ABHD2: variants seen among roughly 807,000 people sequenced by gnomAD.
ABHD2 encodes the protein monoacylglycerol lipase ABHD2.
In ABHD2, 20 loss-of-function variants were observed where a neutral mutation model predicts 48.1. That is an observed-to-expected ratio of 0.42 (90% CI 0.29 to 0.60). The LOEUF (loss-of-function observed/expected upper bound fraction) is 0.60. ABHD2 is among the 20% of genes least tolerant of loss of function. The pLI is 0.24. For missense variants in ABHD2, 405 were observed against 550.9 expected, an observed-to-expected ratio of 0.74 and a Z score of 2.65; for synonymous variants, 209 against 214.2, an observed-to-expected ratio of 0.98 and a Z score of 0.21.
At position 89,149,615 on chromosome 15, in the gene ABHD2, C is replaced by T. The variant is rs146159241; in HGVS notation, c.195-2062C>T. 1.9e-3 allele frequency among the ~76,000 whole-genome samples: 291 copies of T among 152,294 alleles called. 2 individuals carry two copies. The highest frequency in any genetic ancestry group is 6.6e-3 in the African/African-American group (275 of 41,558). ...AGGGGCAACCCCCCCAGCAACCTGACTGGAAGTGAGTCTTGAAAGACAAGT... is the reference window on the plus strand; with the variant it reads ...AGGGGCAACCCCCCCAGCAACCTGATTGGAAGTGAGTCTTGAAAGACAAGT... On this transcript the variant is annotated intron_variant, in intron 3 of 10. Coordinates refer to ENST00000352732, the MANE Select transcript of ABHD2 (RefSeq NM_152924.5).
At chr15:89,061,524 G>A in the ABHD2 span, among the ~76,000 whole-genome samples, 7 of 152,124 alleles carry the variant, frequency 4.6e-5, 1 homozygote, top group Admixed American at 4.6e-4. Flanking sequence ...TATAACTCAT[G>A]TAATAAACCC....
chr15:89,167,954 C>T lies in ABHD2; in HGVS notation c.539-7858C>T, dbSNP rs751456150. ...GAGTACTGTGTGCCTTTATTCCAGA[C>T]GATTCAAACTTCCTTCTTATCCACC... On this transcript the variant is annotated intron_variant, in intron 5 of 10. Coordinates refer to ENST00000352732, the MANE Select transcript of ABHD2 (RefSeq NM_152924.5). The surrounding 1 kb of genome is among the most constrained non-coding windows in gnomAD (Gnocchi z 5.5). Among the ~76,000 whole-genome samples the T allele has an allele frequency of 2.0e-5, 3 of 152,202 alleles. No individual in the cohort carries two copies. Among genetic ancestry groups the T allele is most frequent in the South Asian group, 2.1e-4 (1 of 4,826 alleles).
the ABHD2 span, among the ~76,000 whole-genome samples, chr15:89,052,550 G>GACACACACACACAC: frequency 2.7e-4 from 29 of 107,344 alleles, no homozygotes; most frequent in African/African-American, 6.0e-4. Flanking sequence ...CAGACAGACA[G>GACACACACACACAC]ACAGACAGAC....
Position 89,116,352 on chromosome 15 carries a change from G to T in ABHD2, c.25G>T (p.Glu9Ter), listed in dbSNP as rs758636497. 1 of 1,613,976 alleles carries T rather than the reference G, an allele frequency of 6.2e-7. No individual in the cohort carries two copies. Among genetic ancestry groups the T allele is most frequent in the African/African-American group, 1.3e-5 (1 of 74,922 alleles). MNAMLETPELPAVFDGVKL... is the reference protein window; with the variant it reads MNAMLETP Reference sequence around the variant, plus strand: ...GATGAATGCCATGCTGGAGACTCCCGAACTCCCAGCCGTGTTTGATGGAGT... The same window carrying T: ...GATGAATGCCATGCTGGAGACTCCCTAACTCCCAGCCGTGTTTGATGGAGT... The change falls in exon 3 of 11, where the codon GAA (glutamate) becomes TAA (stop). Residue 9 changes from glutamate (E) to a stop codon, truncating the protein, a stop_gained. Coordinates refer to ENST00000352732, the MANE Select transcript of ABHD2 (RefSeq NM_152924.5). LOFTEE classifies it high-confidence loss of function. The surrounding 1 kb of genome is among the most constrained non-coding windows in gnomAD (Gnocchi z 4.6).
At chr15:89,066,920 G>T in the ABHD2 span, among the ~76,000 whole-genome samples, 1 of 152,224 alleles carries the variant, frequency 6.6e-6, no homozygotes, top group African/African-American at 2.4e-5. Flanking sequence ...TGGAAAATGT[G>T]TCTGGATACT....
Position 89,183,383 on chromosome 15 carries a change from AAATATATAT to A in ABHD2, c.723-2039_723-2031del, listed in dbSNP as rs1359226888. The A allele has an allele frequency of 4.3e-3, 286 of 66,040 alleles. 1 individual carries two copies. Among genetic ancestry groups the A allele is most frequent in the African/African-American group, 0.024 (266 of 11,206 alleles). The allele number at this position is 66,040 out of a possible 1,614,324, so 4.1% of individuals were successfully genotyped here. ...CAGTCCTTTTCAAAAAAAAAAAAAA[AAATATATAT>A]ATATATATATATATATATATATATG... On this transcript the variant is annotated intron_variant, in intron 6 of 10. Coordinates refer to ENST00000352732, the MANE Select transcript of ABHD2 (RefSeq NM_152924.5).
intron 1 of ABHD2, among the ~76,000 whole-genome samples, chr15:89,101,943 C>G (rs1319593855): frequency 6.6e-6 from 1 of 152,202 alleles, no homozygotes; most frequent in African/African-American, 2.4e-5. Flanking sequence ...CACTTCAGCC[C>G]CTCATATGAA....
chr15:89,067,895 C>G, the ABHD2 span, among the ~76,000 whole-genome samples: 1 of 152,158 alleles, frequency 6.6e-6, no homozygotes, highest in Non-Finnish European at 1.5e-5. Flanking sequence ...TGATCAGCCA[C>G]TGTGTAATGA....
the ABHD2 span, among the ~76,000 whole-genome samples, chr15:89,054,780 C>T: frequency 6.6e-6 from 1 of 152,018 alleles, no homozygotes; most frequent in Admixed American, 6.6e-5. Context: ...CTTTTATTCT[C>T]TGCATATATT....
chr15:89,068,227 C>T, the ABHD2 span, among the ~76,000 whole-genome samples: 1 of 148,750 alleles, frequency 6.7e-6, no homozygotes, highest in African/African-American at 2.5e-5. Context: ...CACACAAACT[C>T]TGTGTGTGTG....
chr15:89,064,242 C>T, the ABHD2 span, among the ~76,000 whole-genome samples: 19 of 120,900 alleles, frequency 1.6e-4, no homozygotes, highest in African/African-American at 2.7e-4. Context: ...TTTTTTTACA[C>T]GGAGTCTCAT....
At chr15:89,073,399 G>A in the ABHD2 span, among the ~76,000 whole-genome samples, 3 of 152,154 alleles carry the variant, frequency 2.0e-5, no homozygotes, top group East Asian at 1.9e-4. Flanking sequence ...AGGTTCAAGC[G>A]ATTCTCCTGC....
At chr15:89,135,463 A>C (rs2050292668) in intron 3 of ABHD2, 1 of 731,702 alleles carries the variant, frequency 1.4e-6, no homozygotes, top group Non-Finnish European at 2.3e-6. Context: ...CTTACATTTC[A>C]GTTTTTTTCT....
At chr15:89,193,495 G>T (rs1228548862) in intron 10 of ABHD2, 176 bp downstream of exon 10, 15 of 619,908 alleles carry the variant, frequency 2.4e-5, no homozygotes, top group Non-Finnish European at 3.7e-5. Flanking sequence ...GATGGGGCTT[G>T]GGCATCAGGC....
intron 3 of ABHD2, among the ~76,000 whole-genome samples, chr15:89,139,591 C>T (rs182668469): frequency 1.2e-4 from 19 of 152,270 alleles, no homozygotes; most frequent in African/African-American, 3.9e-4. Context: ...GAGGCAGGTT[C>T]GGACCTGATA....
chr15:89,156,996 A>T (rs1243930278), intron 5 of ABHD2, among the ~76,000 whole-genome samples: 3 of 152,160 alleles, frequency 2.0e-5, no homozygotes, highest in African/African-American at 7.2e-5. Context: ...ATGTCTACAT[A>T]GTTTTTATTT....
the ABHD2 span, among the ~76,000 whole-genome samples, chr15:89,078,952 C>T: frequency 3.3e-5 from 5 of 152,112 alleles, no homozygotes; most frequent in Admixed American, 2.0e-4. Context: ...AGGCTCATCT[C>T]GAACTCCTGA....
chr15:89,059,851 G>A, the ABHD2 span, among the ~76,000 whole-genome samples: 1 of 152,126 alleles, frequency 6.6e-6, no homozygotes, highest in Admixed American at 6.5e-5. Context: ...CAGGGTCCGT[G>A]GCCGAAGGAA....
At chr15:89,162,009 C>T (rs1425210946) in intron 5 of ABHD2, among the ~76,000 whole-genome samples, 1 of 152,196 alleles carries the variant, frequency 6.6e-6, no homozygotes, top group Non-Finnish European at 1.5e-5. Flanking sequence ...TCTGGTATCT[C>T]TCTGTGTCCT....
Sources: allele counts gnomAD v4.1 joint callset (sites outside exome capture counted in the v4.1 genomes callset), GRCh38; gene constraint gnomAD v4.1.1; non-coding constraint Gnocchi (gnomAD v3.1); transcripts MANE v1.5; gene names NCBI Gene and HGNC (gene_info 2026-07-23, HGNC 2026-07-21).